NPHP4: variants seen among roughly 807,000 people sequenced by gnomAD.
The protein encoded by NPHP4 is nephrocystin 4.
Under a neutral mutation model 155.8 loss-of-function variants are expected in NPHP4, and 151 were observed. The ratio of observed to expected loss-of-function variants is 0.97; its 90% CI spans 0.85 to 1.11. The LOEUF (loss-of-function observed/expected upper bound fraction) is 1.11, where lower values mean the gene tolerates loss of function less well. Ranked by LOEUF, NPHP4 falls within the 50% of genes least tolerant of loss-of-function variation. NPHP4 has a pLI of 0.00. For synonymous variants in NPHP4, 845 were observed against 816.8 expected (o/e 1.03, Z -0.59); for missense variants, 1,956 against 1,925.7 (o/e 1.02, Z -0.29).
At chr1:5,879,746 A>G in intron 19 of NPHP4, 1 of 397,582 alleles carries the variant, frequency 2.5e-6, no homozygotes, top group Non-Finnish European at 4.9e-6. Context: ...CCCTAGATGC[A>G]GATGGGCATT....
chr1:5,925,139 T>C (rs1328539849), intron 11 of NPHP4, among the ~76,000 whole-genome samples: 1 of 152,230 alleles, frequency 6.6e-6, no homozygotes, highest in East Asian at 1.9e-4. Flanking sequence ...ACAGAGTGGA[T>C]CCATGGGTTC....
chr1:5,867,521 C>T lies in NPHP4; in HGVS notation c.3472+219G>A, dbSNP rs1641371592. On this transcript the variant is annotated intron_variant, in intron 24 of 29. Coordinates refer to ENST00000378156, the MANE Select transcript of NPHP4 (RefSeq NM_015102.5). The surrounding 1 kb of genome is among the most constrained non-coding windows in gnomAD (Gnocchi z 4.1). ...CGGGAGCTGGGATTTTTTAGAAGGG[C>T]AGACTCAGCCGGCAAATGCGCACCT... The T allele has an allele frequency of 1.7e-6, 1 of 599,256 alleles. No homozygotes were observed. The highest frequency in any genetic ancestry group is 2.0e-5 in the South Asian group (1 of 48,984). 37.1% of individuals were successfully genotyped at this position (599,256 alleles called of 1,614,324 possible). A position where few individuals can be genotyped will look rare whatever the true frequency, so the allele number is the denominator to read the frequency against.
At chr1:5,987,534 G>A (rs1245083228) in intron 1 of NPHP4, among the ~76,000 whole-genome samples, 2 of 152,122 alleles carry the variant, frequency 1.3e-5, no homozygotes, top group Non-Finnish European at 2.9e-5. Flanking sequence ...TGGGTTGAGT[G>A]AGGTCCTCCC....
chr1:5,945,189 C>G (rs1647027862), intron 9 of NPHP4, among the ~76,000 whole-genome samples: 1 of 152,146 alleles, frequency 6.6e-6, no homozygotes, highest in Admixed American at 6.5e-5. Flanking sequence ...GAGGCGCCAG[C>G]CCTCCTGCTC....
intron 9 of NPHP4, among the ~76,000 whole-genome samples, chr1:5,933,891 C>T (rs568095898): frequency 1.3e-5 from 2 of 152,278 alleles, no homozygotes; most frequent in South Asian, 4.1e-4. Context: ...GGAAATCGAT[C>T]GGGTCAAATT....
At chr1:5,877,010 A>T (rs187435858) in intron 20 of NPHP4, 83 bp downstream of exon 20, 3 of 953,246 alleles carry the variant, frequency 3.1e-6, no homozygotes, top group East Asian at 3.3e-5. Context: ...AGAGAGAATC[A>T]TGTGGGAGGC....
intron 9 of NPHP4, among the ~76,000 whole-genome samples, chr1:5,942,819 T>G (rs1646894667): frequency 6.6e-6 from 1 of 152,118 alleles, no homozygotes. Flanking sequence ...CCTTAGAGAT[T>G]TGGGGAGAGG....
intron 7 of NPHP4, 42 bp from the exon 8 acceptor site, chr1:5,948,293 A>G: frequency 6.9e-7 from 1 of 1,458,682 alleles, no homozygotes; most frequent in Non-Finnish European, 9.1e-7. Flanking sequence ...CACAGACGGA[A>G]AGAGGGAGCT....
chr1:5,918,836 A>G (rs1271322577), intron 11 of NPHP4, among the ~76,000 whole-genome samples: 1 of 152,222 alleles, frequency 6.6e-6, no homozygotes. Context: ...ATGAAAAGAA[A>G]TGTAATTGGT....
At chr1:5,931,158 G>T (rs1234092723) in intron 10 of NPHP4, among the ~76,000 whole-genome samples, 1 of 152,034 alleles carries the variant, frequency 6.6e-6, no homozygotes, top group African/African-American at 2.4e-5. Flanking sequence ...TTTATTTAAA[G>T]TATACTTCTT....
At chr1:5,876,998 T>G (rs1378389522) in intron 20 of NPHP4, 95 bp downstream of exon 20, 1 of 866,154 alleles carries the variant, frequency 1.2e-6, no homozygotes, top group South Asian at 5.4e-5. Flanking sequence ...GGGAGGAAGG[T>G]AAGAGAGAAT....
chr1:5,924,269 C>T (rs1645886048), intron 11 of NPHP4, among the ~76,000 whole-genome samples: 1 of 151,938 alleles, frequency 6.6e-6, no homozygotes, highest in Non-Finnish European at 1.5e-5. Flanking sequence ...CTGATAAACA[C>T]GTAACTGGGG....
At chr1:5,956,338 T>C (rs1649232928) in intron 6 of NPHP4, among the ~76,000 whole-genome samples, 1 of 152,176 alleles carries the variant, frequency 6.6e-6, no homozygotes, top group African/African-American at 2.4e-5. Flanking sequence ...GCCATTCCAA[T>C]AGTTGTGACC....
At chr1:5,963,416 G>C (rs115392046) in intron 5 of NPHP4, among the ~76,000 whole-genome samples, 2,309 of 152,082 alleles carry the variant, frequency 0.015, 39 homozygotes, top group African/African-American at 0.053. Context: ...AGAAATTGGT[G>C]AAACACTGTA....
At chr1:5,965,092 C>T (rs1651231622) in intron 5 of NPHP4, among the ~76,000 whole-genome samples, 1 of 151,036 alleles carries the variant, frequency 6.6e-6, no homozygotes, top group Non-Finnish European at 1.5e-5. Context: ...ACCGCCATAC[C>T]CAGTTAATGT....
At position 5,880,214 on chromosome 1, in the gene NPHP4, T is replaced by G; in HGVS notation, c.2511A>C (p.Arg837Ser). Residue 837 changes from arginine (R) to serine (S), a missense_variant, in exon 19 of 30, where the codon AGA (arginine) becomes AGC (serine). Arg to Ser is a moderately radical substitution (Grantham distance 110). Transcript: ENST00000378156. Reference protein sequence around the residue: ...NVGHPCEQKVRGCSTLPPSRS... With the variant: ...NVGHPCEQKVSGCSTLPPSRS... ...TGGACGGTGGCAATGTGCTACAACC[T>G]CTCACTTTCTGTTCACACGGGTGAC... is the stretch of plus-strand genomic sequence containing the variant. 1.2e-6 allele frequency: 2 copies of G among 1,613,578 alleles called. No individual in the cohort carries two copies. Among genetic ancestry groups the G allele is most frequent in the South Asian group, 2.2e-5 (2 of 90,964 alleles).
intron 27 of NPHP4, 57 bp from the exon 28 acceptor site, chr1:5,864,574 G>T: frequency 2.8e-6 from 4 of 1,419,424 alleles, no homozygotes; most frequent in Non-Finnish European, 3.7e-6. Context: ...GCAAGCAAGG[G>T]GCTCCTGGGC....
intron 11 of NPHP4, among the ~76,000 whole-genome samples, chr1:5,923,354 G>C (rs1230805723): frequency 6.6e-6 from 1 of 152,208 alleles, no homozygotes; most frequent in Non-Finnish European, 1.5e-5. Context: ...GGCAACAAAG[G>C]AGAGTGATCC....
Position 5,960,215 on chromosome 1 carries a change from C to G in NPHP4, c.673+1579G>C, listed in dbSNP as rs1650044768. The stretch of plus-strand genomic sequence containing the variant: ...TGGAGAGCACTTATAGCTCAGTGAG[C>G]AGGACAGACCCAGACTGCGACCCCA... On this transcript the variant is annotated intron_variant, in intron 6 of 29. Transcript: ENST00000378156. Among the ~76,000 whole-genome samples, 4 of 152,304 alleles carry G rather than the reference C, an allele frequency of 2.6e-5. No homozygotes were observed. The South Asian group carries it at 8.3e-4, about 32-fold the overall frequency.
Sources: gnomAD v4.1 joint callset for allele counts (sites outside exome capture counted in the v4.1 genomes callset) on GRCh38, gnomAD v4.1.1 for gene constraint, Gnocchi (gnomAD v3.1) non-coding constraint, MANE v1.5 for transcripts, NCBI Gene and HGNC (gene_info 2026-07-23, HGNC 2026-07-21) for gene names.